CYP2C19: variants seen among roughly 807,000 people sequenced by gnomAD.
CYP2C19 encodes cytochrome P450 family 2 subfamily C member 19.
In CYP2C19, 59 loss-of-function variants were observed where a neutral mutation model predicts 40.9. That is an observed-to-expected ratio of 1.44 (90% CI 1.17 to 1.79). The LOEUF (loss-of-function observed/expected upper bound fraction) is 1.79, where lower values mean the gene tolerates loss of function less well. Ranked by LOEUF, CYP2C19 falls within the 40% of genes most tolerant of loss-of-function variation. The pLI, the probability that CYP2C19 is intolerant of heterozygous loss-of-function variation, is 0.00. For missense variants in CYP2C19, 754 were observed against 596.9 expected (o/e 1.26, Z -2.74); for synonymous variants, 253 against 208.7 (o/e 1.21, Z -1.83).
At chr10:94,845,911 C>A (rs1849566684) in intron 7 of CYP2C19, among the ~76,000 whole-genome samples, 1 of 151,836 alleles carries the variant, frequency 6.6e-6, no homozygotes, top group South Asian at 2.1e-4. Context: ...GTACATATGG[C>A]AGTGTGTATA....
In CYP2C19 at chr10:94,853,831, AC is replaced by A. The variant is rs1316056528; in HGVS notation, c.*918del. Among the ~76,000 whole-genome samples, 1 of 150,988 alleles carries A rather than the reference AC, an allele frequency of 6.6e-6. No individual in the cohort carries two copies. The highest frequency in any genetic ancestry group is 1.5e-5 in the Non-Finnish European group (1 of 67,670). On this transcript the variant is annotated 3_prime_UTR_variant, in exon 9 of 9. Coordinates refer to ENST00000371321, the MANE Select transcript of CYP2C19 (RefSeq NM_000769.4). ...AAAGTGCTGGGATTACAGGAGTGAG[AC>A]ACTGTGCCTGGTCTAATGTTACTTT...
intron 5 of CYP2C19, among the ~76,000 whole-genome samples, chr10:94,793,767 C>T (rs1188465459): frequency 3.3e-5 from 5 of 152,108 alleles, no homozygotes; most frequent in Non-Finnish European, 5.9e-5. Context: ...TCAGTCGGCC[C>T]CTACTAGGAG....
chr10:94,772,312 T>C (rs1848344043), intron 1 of CYP2C19, among the ~76,000 whole-genome samples: 1 of 152,144 alleles, frequency 6.6e-6, no homozygotes, highest in Admixed American at 6.5e-5. Flanking sequence ...GCAAAAATTA[T>C]GTCTTTCTGA....
chr10:94,840,987 C>A (rs1849486360), intron 6 of CYP2C19, among the ~76,000 whole-genome samples: 1 of 152,178 alleles, frequency 6.6e-6, no homozygotes, highest in Non-Finnish European at 1.5e-5. Context: ...CTTTGGATGT[C>A]CCTTTGTTGT....
chr10:94,802,661 G>T (rs1848782935), intron 5 of CYP2C19, among the ~76,000 whole-genome samples: 1 of 152,060 alleles, frequency 6.6e-6, no homozygotes, highest in African/African-American at 2.4e-5. Context: ...GTTAGTTGAT[G>T]CAGTTTCTTC....
chr10:94,779,021 C>G (rs888234631), intron 3 of CYP2C19, among the ~76,000 whole-genome samples: 1 of 152,040 alleles, frequency 6.6e-6, no homozygotes, highest in Non-Finnish European at 1.5e-5. Context: ...GAACAGAAAA[C>G]CAAACACTGC....
At chr10:94,846,189 T>A (rs928277559) in intron 7 of CYP2C19, among the ~76,000 whole-genome samples, 4 of 152,186 alleles carry the variant, frequency 2.6e-5, no homozygotes, top group African/African-American at 9.7e-5. Flanking sequence ...TCTCCTGTAA[T>A]CAAGAACAGT....
chr10:94,775,688 G>A, intron 3 of CYP2C19, 149 bp downstream of exon 3: 4 of 1,365,142 alleles, frequency 2.9e-6, no homozygotes, highest in Non-Finnish European at 4.1e-6. Flanking sequence ...TGAGAGCCAA[G>A]GGAATTTGCA....
intron 6 of CYP2C19, among the ~76,000 whole-genome samples, chr10:94,827,598 C>A (rs2134274646): frequency 6.6e-6 from 1 of 152,004 alleles, no homozygotes; most frequent in South Asian, 2.1e-4. Context: ...TTTTGTTGAT[C>A]CTTTCAAAAA....
chr10:94,841,182 A>C (rs1008975813), intron 6 of CYP2C19, among the ~76,000 whole-genome samples: 1 of 152,202 alleles, frequency 6.6e-6, no homozygotes, highest in African/African-American at 2.4e-5. Flanking sequence ...TTATAGCTCT[A>C]CTAAAAGCTG....
intron 1 of CYP2C19, chr10:94,774,853 T>A: frequency 1.7e-6 from 1 of 595,926 alleles, no homozygotes; most frequent in Non-Finnish European, 2.9e-6. Flanking sequence ...GTAGCAATTG[T>A]CTGACCATTG....
intron 7 of CYP2C19, 108 bp downstream of exon 7, chr10:94,843,132 A>G: frequency 7.4e-7 from 1 of 1,357,270 alleles, no homozygotes; most frequent in Non-Finnish European, 1.0e-6. Context: ...CATTACTCCT[A>G]TGTATGGCAG....
At chr10:94,797,213 T>C (rs767494293) in intron 5 of CYP2C19, among the ~76,000 whole-genome samples, 1 of 152,022 alleles carries the variant, frequency 6.6e-6, no homozygotes, top group Admixed American at 6.5e-5. Flanking sequence ...GGTTATTGAA[T>C]TTTGTTGAAG....
chr10:94,810,275 T>C (rs1848901159), intron 5 of CYP2C19, among the ~76,000 whole-genome samples: 1 of 152,230 alleles, frequency 6.6e-6, no homozygotes. Flanking sequence ...TGCTGCTGGA[T>C]TCAGTTTGCC....
intron 6 of CYP2C19, among the ~76,000 whole-genome samples, chr10:94,827,959 T>C (rs1410046550): frequency 1.3e-5 from 2 of 151,896 alleles, no homozygotes; most frequent in South Asian, 2.1e-4. Context: ...TCAGTTTCCA[T>C]GTAGTTGAGC....
chr10:94,849,176 T>G (rs1457085592), intron 7 of CYP2C19, among the ~76,000 whole-genome samples: 1 of 151,952 alleles, frequency 6.6e-6, no homozygotes, highest in Admixed American at 6.6e-5. Flanking sequence ...AGTCTACACA[T>G]AAGATTTGTG....
intron 1 of CYP2C19, among the ~76,000 whole-genome samples, chr10:94,768,238 C>A (rs1848275337): frequency 6.6e-6 from 1 of 152,180 alleles, no homozygotes; most frequent in African/African-American, 2.4e-5. Context: ...ACCAGTTCTG[C>A]TAACTGGGCA....
chr10:94,831,573 T>C (rs1342798710), intron 6 of CYP2C19, among the ~76,000 whole-genome samples: 1 of 152,246 alleles, frequency 6.6e-6, no homozygotes, highest in African/African-American at 2.4e-5. Flanking sequence ...TGTTATTGCC[T>C]GTCTTTTGGA....
rs561657358 is a variant in CYP2C19 at position 94,771,152 on chromosome 10, G to A, written c.169-3906G>A. 6.6e-5 allele frequency among the ~76,000 whole-genome samples: 10 copies of A among 152,122 alleles called. No homozygotes were observed. The East Asian group carries it at 1.2e-3, about 18-fold the overall frequency. Reference sequence around the variant, plus strand: ...TGCTGTAAATCAGAGAGGGAGAAGCGGCCATGTACCCAGGTTGGGCCAAAT... The same window carrying A: ...TGCTGTAAATCAGAGAGGGAGAAGCAGCCATGTACCCAGGTTGGGCCAAAT... On this transcript the variant is annotated intron_variant, in intron 1 of 8. Coordinates refer to ENST00000371321, the MANE Select transcript of CYP2C19 (RefSeq NM_000769.4).
Sources: allele counts gnomAD v4.1 joint callset (sites outside exome capture counted in the v4.1 genomes callset), GRCh38; gene constraint gnomAD v4.1.1; transcripts MANE v1.5; gene names NCBI Gene and HGNC (gene_info 2026-07-23, HGNC 2026-07-21).